Variants in DPP10 observed in about 807,000 individuals in gnomAD.
The protein encoded by DPP10 is dipeptidyl peptidase like 10.
Under a neutral mutation model 120.9 loss-of-function variants are expected in DPP10, and 33 were observed. The observed-to-expected ratio is 0.27, with a 90% CI of 0.21 to 0.37. The LOEUF (loss-of-function observed/expected upper bound fraction) is 0.37, where lower values mean the gene tolerates loss of function less well. DPP10 is among the 10% of genes least tolerant of loss of function. The pLI is 1.00. For synonymous variants in DPP10, 337 were observed against 326.1 expected, an observed-to-expected ratio of 1.03 and a Z score of -0.36; for missense variants, 816 against 942.8, an observed-to-expected ratio of 0.87 and a Z score of 1.76.
intron 3 of DPP10, among the ~76,000 whole-genome samples, chr2:115,397,034 A>C (rs2067731230): frequency 6.6e-6 from 1 of 152,194 alleles, no homozygotes; most frequent in Non-Finnish European, 1.5e-5. Context: ...AAGTGTTCTT[A>C]TTTGCAAAAC....
Position 115,378,871 on chromosome 2 carries a change from T to G in DPP10, c.271+34959T>G, listed in dbSNP as rs1429644117. 1.3e-5 allele frequency among the ~76,000 whole-genome samples: 2 copies of G among 152,202 alleles called. 1 individual carries two copies. Among genetic ancestry groups the G allele is most frequent in the South Asian group, 4.1e-4 (2 of 4,832 alleles). On this transcript the variant is annotated intron_variant, in intron 3 of 25. Coordinates refer to ENST00000410059, the MANE Select transcript of DPP10 (RefSeq NM_020868.6). ...GATTACTTTTATTGATTTGCATATA[T>G]TGAACCAGCCTTGCATCCCAGGGAT...
chr2:115,753,152 T>A (rs201603686), intron 10 of DPP10, 22 bp from the exon 11 acceptor site: 1 of 1,604,518 alleles, frequency 6.2e-7, no homozygotes, highest in East Asian at 2.3e-5. Flanking sequence ...AAACATACAT[T>A]TTAATTTTGT....
chr2:115,359,483 A>G (rs1206045306), intron 3 of DPP10, among the ~76,000 whole-genome samples: 1 of 152,112 alleles, frequency 6.6e-6, no homozygotes, highest in Non-Finnish European at 1.5e-5. Context: ...TCTGATGACA[A>G]TCCTGCTGTT....
At chr2:114,867,613 A>G (rs960100113) in intron 1 of DPP10, among the ~76,000 whole-genome samples, 1 of 152,144 alleles carries the variant, frequency 6.6e-6, no homozygotes, top group South Asian at 2.1e-4. Flanking sequence ...TCTTAATATG[A>G]TCTTGCTCGA....
At chr2:115,308,911 A>G (rs996022909) in intron 1 of DPP10, among the ~76,000 whole-genome samples, 6 of 151,978 alleles carry the variant, frequency 3.9e-5, no homozygotes, top group African/African-American at 1.4e-4. Context: ...AATACATGTA[A>G]ATGGACTCGC....
At chr2:115,352,512 T>C (rs966419917) in intron 3 of DPP10, among the ~76,000 whole-genome samples, 2 of 152,190 alleles carry the variant, frequency 1.3e-5, no homozygotes, top group Admixed American at 6.6e-5. Context: ...AATAGATACA[T>C]TGACATTGAC....
At chr2:115,568,261 G>C (rs922924270) in intron 5 of DPP10, among the ~76,000 whole-genome samples, 2 of 151,846 alleles carry the variant, frequency 1.3e-5, no homozygotes, top group African/African-American at 4.8e-5. Context: ...GAGGCGGGCA[G>C]ATCACGAGGT....
chr2:115,603,574 T>TTTTTTTTTTTTTTG (rs2083500489), intron 5 of DPP10, among the ~76,000 whole-genome samples: 1 of 137,038 alleles, frequency 7.3e-6, no homozygotes, highest in African/African-American at 2.9e-5. Context: ...TTTTTTGTTT[T>TTTTTTTTTTTTTTG]TTTTTTTTTT....
chr2:115,208,370 A>G (rs2056300770), intron 1 of DPP10, among the ~76,000 whole-genome samples: 1 of 151,746 alleles, frequency 6.6e-6, no homozygotes, highest in South Asian at 2.1e-4. Context: ...CGGCTAATTT[A>G]TCTCGCTATT....
At chr2:115,632,017 A>G (rs1340578639) in intron 5 of DPP10, among the ~76,000 whole-genome samples, 1 of 152,156 alleles carries the variant, frequency 6.6e-6, no homozygotes, top group South Asian at 2.1e-4. Flanking sequence ...GGGGTGTTGA[A>G]GTCTCACACT....
Position 115,339,910 on chromosome 2 carries a change from C to T in DPP10, c.176-3907C>T, listed in dbSNP as rs191957422. On this transcript the variant is annotated intron_variant, in intron 2 of 25. Transcript: ENST00000410059. Reference sequence around the variant, plus strand: ...TGATGCAGTTGCGTAGAACTAAACACGCAAGAATGCACGTGAATAAATGAA... The same window carrying T: ...TGATGCAGTTGCGTAGAACTAAACATGCAAGAATGCACGTGAATAAATGAA... 7.0e-4 allele frequency among the ~76,000 whole-genome samples: 107 copies of T among 152,174 alleles called. 1 individual carries two copies. The highest frequency in any genetic ancestry group is 9.9e-4 in the Non-Finnish European group (67 of 68,012).
chr2:115,625,033 A>G (rs910897037), intron 5 of DPP10, among the ~76,000 whole-genome samples: 10 of 151,522 alleles, frequency 6.6e-5, no homozygotes, highest in African/African-American at 2.4e-4. Context: ...GGAGAATTTT[A>G]TAAATATATA....
chr2:115,352,069 A>AT (rs1289861034), intron 3 of DPP10, among the ~76,000 whole-genome samples: 1 of 152,070 alleles, frequency 6.6e-6, no homozygotes, highest in Non-Finnish European at 1.5e-5. Flanking sequence ...GGATTTACTG[A>AT]TAAAATTCAG....
chr2:115,171,347 C>T (rs1166833023), intron 1 of DPP10, among the ~76,000 whole-genome samples: 15 of 124,342 alleles, frequency 1.2e-4, no homozygotes, highest in African/African-American at 4.6e-4. Context: ...GGTGGCAGAG[C>T]GAGACTCCAT....
At chr2:114,521,982 T>C (rs1248956592) in intron 1 of DPP10, among the ~76,000 whole-genome samples, 1 of 82,202 alleles carries the variant, frequency 1.2e-5, no homozygotes, top group Non-Finnish European at 3.0e-5. Flanking sequence ...TAATTTTTTG[T>C]ATTTTTTTTT....
intron 1 of DPP10, among the ~76,000 whole-genome samples, chr2:115,107,522 C>G (rs560425086): frequency 7.3e-6 from 1 of 136,348 alleles, no homozygotes; most frequent in East Asian, 2.3e-4. Flanking sequence ...AATCCAGGAG[C>G]CAAAATTTCG....
chr2:115,381,128 G>T (rs980575906), intron 3 of DPP10, among the ~76,000 whole-genome samples: 2 of 152,120 alleles, frequency 1.3e-5, no homozygotes, highest in Admixed American at 1.3e-4. Context: ...AATTCTCCTG[G>T]ATAATATCCT....
At chr2:115,588,800 C>T (rs956599549) in intron 5 of DPP10, among the ~76,000 whole-genome samples, 1 of 152,128 alleles carries the variant, frequency 6.6e-6, no homozygotes, top group Non-Finnish European at 1.5e-5. Flanking sequence ...GAATGAACTC[C>T]ATGAACTAAA....
intron 1 of DPP10, among the ~76,000 whole-genome samples, chr2:114,504,020 A>G (rs7578276): frequency 0.012 from 1,845 of 152,282 alleles, 34 homozygotes; most frequent in African/African-American, 0.042. Context: ...AGTAAAGTGA[A>G]TATTCTACTT....
Sources: allele counts gnomAD v4.1 joint callset (sites outside exome capture counted in the v4.1 genomes callset), GRCh38; gene constraint gnomAD v4.1.1; transcripts MANE v1.5; gene names NCBI Gene and HGNC (gene_info 2026-07-23, HGNC 2026-07-21).